CDH12: variants seen among roughly 807,000 people sequenced by gnomAD.
CDH12 encodes cadherin 12.
Under a neutral mutation model 74.1 loss-of-function variants are expected in CDH12, and 41 were observed. That is an observed-to-expected ratio of 0.55 (90% CI 0.43 to 0.72). CDH12 has a LOEUF of 0.72. CDH12 is among the 30% of genes least tolerant of loss of function. The pLI is 0.00. For missense variants in CDH12, 945 were observed against 977.2 expected, an observed-to-expected ratio of 0.97 and a Z score of 0.44; for synonymous variants, 399 against 355.0, an observed-to-expected ratio of 1.12 and a Z score of -1.39.
At chr5:22,506,673 T>C (rs1736399496) in intron 1 of CDH12, among the ~76,000 whole-genome samples, 1 of 152,092 alleles carries the variant, frequency 6.6e-6, no homozygotes, top group South Asian at 2.1e-4. Context: ...TGACTACTAG[T>C]TATGGTTCCT....
chr5:22,177,086 T>A (rs1000973799), intron 4 of CDH12, among the ~76,000 whole-genome samples: 6 of 152,158 alleles, frequency 3.9e-5, no homozygotes, highest in African/African-American at 1.4e-4. Flanking sequence ...GTTTCTTGCT[T>A]CACTGAATGT....
At chr5:22,308,966 A>T (rs1738263120) in intron 3 of CDH12, among the ~76,000 whole-genome samples, 1 of 120,030 alleles carries the variant, frequency 8.3e-6, no homozygotes, top group African/African-American at 2.8e-5. Flanking sequence ...GGAGAGAGAG[A>T]GAGAGAGAAA....
chr5:22,318,854 A>G lies in CDH12; in HGVS notation c.-333+86403T>C, dbSNP rs1738741840. 1.3e-5 allele frequency among the ~76,000 whole-genome samples: 2 copies of G among 152,122 alleles called. 1 individual carries two copies. The highest frequency in any genetic ancestry group is 4.1e-4 in the South Asian group (2 of 4,822). On this transcript the variant is annotated intron_variant, in intron 3 of 14. Transcript: ENST00000382254. ...GTGATCATCAGGCTTGTGTAACCCG[A>G]TCATTAAAATATGCCTGTCTGGTAG...
At chr5:22,067,956 T>C (rs1741682687) in intron 5 of CDH12, among the ~76,000 whole-genome samples, 1 of 151,942 alleles carries the variant, frequency 6.6e-6, no homozygotes, top group Non-Finnish European at 1.5e-5. Flanking sequence ...CCAGCCTGGG[T>C]GACAGAGTGA....
intron 5 of CDH12, among the ~76,000 whole-genome samples, chr5:22,064,724 GA>G (rs1207433604): frequency 6.6e-6 from 1 of 152,064 alleles, no homozygotes; most frequent in Non-Finnish European, 1.5e-5. Flanking sequence ...TAACATTACT[GA>G]AAAAAGTGAA....
At chr5:22,417,981 T>A (rs911066250) in intron 2 of CDH12, among the ~76,000 whole-genome samples, 1 of 152,198 alleles carries the variant, frequency 6.6e-6, no homozygotes, top group East Asian at 1.9e-4. Context: ...TTAAAAACTT[T>A]ATTTAATTTT....
At chr5:22,596,604 A>G (rs17354991) in intron 1 of CDH12, among the ~76,000 whole-genome samples, 7,202 of 152,242 alleles carry the variant, frequency 0.047, 236 homozygotes, top group Middle Eastern at 0.088. Flanking sequence ...GCCAGAAACC[A>G]TGACTGGTAT....
chr5:22,442,002 C>T (rs1302983081), intron 2 of CDH12, among the ~76,000 whole-genome samples: 5 of 152,046 alleles, frequency 3.3e-5, no homozygotes, highest in South Asian at 2.1e-4. Context: ...TGGAGCGTGG[C>T]CCCTTTATTT....
intron 1 of CDH12, among the ~76,000 whole-genome samples, chr5:22,507,009 T>C (rs139849313): frequency 0.015 from 2,227 of 152,274 alleles, 54 homozygotes; most frequent in African/African-American, 0.044. Context: ...CTTATAAAGA[T>C]GTCCACACAA....
intron 3 of CDH12, among the ~76,000 whole-genome samples, chr5:22,337,717 C>T (rs1739654519): frequency 6.6e-6 from 1 of 152,148 alleles, no homozygotes; most frequent in Non-Finnish European, 1.5e-5. Context: ...CTTCATATGT[C>T]TTTAGCAGCA....
chr5:22,545,075 G>C (rs1261689282), intron 1 of CDH12, among the ~76,000 whole-genome samples: 1 of 152,084 alleles, frequency 6.6e-6, no homozygotes, highest in Admixed American at 6.5e-5. Context: ...TTTAGTGATG[G>C]GTTTTTACAA....
At chr5:22,213,853 T>C (rs548200783) in intron 3 of CDH12, 1 of 152,310 alleles carries the variant, frequency 6.6e-6, no homozygotes, top group African/African-American at 2.4e-5. Context: ...AGTGATATGT[T>C]CAGCACTTTT....
chr5:22,435,565 CCTGA>C (rs915549164), intron 2 of CDH12, among the ~76,000 whole-genome samples: 2 of 150,090 alleles, frequency 1.3e-5, no homozygotes, highest in Non-Finnish European at 3.0e-5. Context: ...TCTAGAGAAT[CCTGA>C]CTAATAGAGG....
At chr5:21,829,103 TG>T (rs1748860231) in intron 8 of CDH12, among the ~76,000 whole-genome samples, 1 of 152,164 alleles carries the variant, frequency 6.6e-6, no homozygotes, top group Non-Finnish European at 1.5e-5. Flanking sequence ...GAGGCCAGCC[TG>T]GCCAACATGG....
At chr5:22,215,706 T>G (rs1276616348) in intron 3 of CDH12, among the ~76,000 whole-genome samples, 1 of 152,164 alleles carries the variant, frequency 6.6e-6, no homozygotes, top group Non-Finnish European at 1.5e-5. Flanking sequence ...CCAAGTGGCA[T>G]AATGTAATAG....
intron 1 of CDH12, among the ~76,000 whole-genome samples, chr5:22,743,278 A>ATG (rs1553997528): frequency 7.2e-6 from 1 of 138,810 alleles, no homozygotes; most frequent in Non-Finnish European, 1.6e-5. Context: ...ATATATATAT[A>ATG]TATGTATATA....
chr5:21,803,101 A>G (rs1747229647), intron 9 of CDH12, among the ~76,000 whole-genome samples: 1 of 152,058 alleles, frequency 6.6e-6, no homozygotes, highest in African/African-American at 2.4e-5. Flanking sequence ...GAACAAAGCA[A>G]TGATAAACAA....
chr5:21,999,410 G>T (rs1456057788), intron 5 of CDH12, among the ~76,000 whole-genome samples: 2 of 152,048 alleles, frequency 1.3e-5, no homozygotes, highest in Non-Finnish European at 2.9e-5. Context: ...TTCCAACTCG[G>T]CACACAAACC....
intron 2 of CDH12, among the ~76,000 whole-genome samples, chr5:22,498,639 A>T (rs953266225): frequency 1.3e-5 from 2 of 152,038 alleles, no homozygotes; most frequent in Admixed American, 1.3e-4. Context: ...GAATGCCAAA[A>T]ATATACATAT....
Sources: allele counts gnomAD v4.1 joint callset (sites outside exome capture counted in the v4.1 genomes callset), GRCh38; gene constraint gnomAD v4.1.1; transcripts MANE v1.5; gene names NCBI Gene and HGNC (gene_info 2026-07-23, HGNC 2026-07-21).